Variants in UNC5C observed in about 807,000 individuals in gnomAD.
UNC5C encodes netrin receptor UNC5C.
A neutral mutation model predicts 99.8 loss-of-function variants in UNC5C; 47 were observed. The observed-to-expected ratio is 0.47, with a 90% CI of 0.37 to 0.60. The LOEUF is 0.60. Among genes scored for constraint, UNC5C ranks in the 20% least tolerant of loss-of-function variants. The pLI is 0.00. For synonymous variants in UNC5C, 487 were observed against 452.2 expected, an observed-to-expected ratio of 1.08 and a Z score of -0.98; for missense variants, 1,062 against 1,165.9, an observed-to-expected ratio of 0.91 and a Z score of 1.30.
chr4:95,491,664 A>G (rs1469475566), intron 1 of UNC5C, among the ~76,000 whole-genome samples: 1 of 151,646 alleles, frequency 6.6e-6, no homozygotes, highest in Non-Finnish European at 1.5e-5. Context: ...CAGATGAGAC[A>G]ATGTATTTGA....
chr4:95,301,296 G>C (rs1411114562), intron 3 of UNC5C, among the ~76,000 whole-genome samples: 11 of 150,078 alleles, frequency 7.3e-5, no homozygotes, highest in African/African-American at 2.7e-4. Flanking sequence ...CCTGGGTTCA[G>C]GCCATTCTCC....
At chr4:95,492,258 G>T (rs954707752) in intron 1 of UNC5C, among the ~76,000 whole-genome samples, 2 of 151,330 alleles carry the variant, frequency 1.3e-5, no homozygotes, top group Non-Finnish European at 3.0e-5. Flanking sequence ...CCAAGATTAT[G>T]ATAGCTCATA....
intron 1 of UNC5C, among the ~76,000 whole-genome samples, chr4:95,482,872 G>T (rs536201558): frequency 3.3e-5 from 4 of 121,832 alleles, no homozygotes; most frequent in Admixed American, 8.4e-5. Context: ...GGTGGGCGGA[G>T]GGGGGAGGGA....
intron 1 of UNC5C, among the ~76,000 whole-genome samples, chr4:95,468,594 AT>A (rs1747870849): frequency 6.6e-6 from 1 of 151,998 alleles, no homozygotes; most frequent in South Asian, 2.1e-4. Context: ...GGCTCTCAGG[AT>A]TTTTTCTATA....
intron 3 of UNC5C, among the ~76,000 whole-genome samples, chr4:95,283,374 C>A (rs1741127261): frequency 6.6e-6 from 1 of 152,116 alleles, no homozygotes; most frequent in Admixed American, 6.5e-5. Context: ...CACATTTAAC[C>A]CCCTACAAGG....
intron 5 of UNC5C, among the ~76,000 whole-genome samples, chr4:95,245,876 T>C (rs1739486172): frequency 6.6e-6 from 1 of 152,222 alleles, no homozygotes; most frequent in Non-Finnish European, 1.5e-5. Flanking sequence ...ATATTTTTAA[T>C]ACTTCAATAA....
chr4:95,176,481 GGTCT>G (rs1302406748), intron 14 of UNC5C, among the ~76,000 whole-genome samples: 5 of 152,138 alleles, frequency 3.3e-5, no homozygotes, highest in African/African-American at 1.2e-4. Flanking sequence ...CTCAGCTGCA[GGTCT>G]GTTGGAATAC....
intron 1 of UNC5C, among the ~76,000 whole-genome samples, chr4:95,468,559 A>G (rs928903837): frequency 1.3e-5 from 2 of 152,196 alleles, no homozygotes; most frequent in African/African-American, 4.8e-5. Flanking sequence ...TTTCTCCAGC[A>G]GGAATTTACT....
rs140743706 is a variant in UNC5C, at chr4:95,219,286, G to C, written c.1328C>G (p.Thr443Arg). Residue 443 changes from threonine to arginine, a missense_variant, in exon 9 of 16, where the codon ACG becomes AGG. Physicochemically the swap from Thr to Arg is moderately conservative, Grantham distance 71. Around this residue, in one of 3 missense-constraint regions of UNC5C, gnomAD observed 810 missense variants for 854.5 expected, o/e 0.95. Coordinates refer to ENST00000453304, the MANE Select transcript of UNC5C (RefSeq NM_003728.4). ...QDLLAVPPDL[T>R]SAAAMYRGPV... ...TCCTCTGTACATGGCTGCAGCTGAC[G>C]TGAGGTCTGGGGGTACAGCCAGCAG... The C allele has an allele frequency of 1.9e-6, 3 of 1,613,866 alleles. No homozygotes were observed. Among genetic ancestry groups the C allele is most frequent in the Non-Finnish European group, 2.5e-6 (3 of 1,179,916 alleles).
At chr4:95,385,401 C>T (rs1199746417) in intron 1 of UNC5C, among the ~76,000 whole-genome samples, 1 of 152,110 alleles carries the variant, frequency 6.6e-6, no homozygotes, top group African/African-American at 2.4e-5. Context: ...TTTGTCATCA[C>T]TAAATAAGTA....
At chr4:95,319,532 C>T (rs889740014) in intron 2 of UNC5C, among the ~76,000 whole-genome samples, 9 of 152,140 alleles carry the variant, frequency 5.9e-5, no homozygotes, top group Admixed American at 2.0e-4. Flanking sequence ...CAAATGGTAG[C>T]GCTCATGTTA....
intron 1 of UNC5C, among the ~76,000 whole-genome samples, chr4:95,525,596 T>TAAAAAAAAAAAAAAAAAAAAAAAAAA (rs574532435): frequency 1.1e-4 from 11 of 102,158 alleles, no homozygotes; most frequent in African/African-American, 3.2e-4. Flanking sequence ...GCCTATTTCT[T>TAAAAAAAAAAAAAAAAAAAAAAAAAA]AAAAAAAAAA....
rs760290190 is a variant in UNC5C, at chr4:95,548,839, C to G, written c.19G>C (p.Ala7Pro). 1 of 1,613,246 alleles carries G rather than the reference C, an allele frequency of 6.2e-7. No homozygotes were observed. Among genetic ancestry groups the G allele is most frequent in the South Asian group, 1.1e-5 (1 of 91,040 alleles). The part of the protein sequence containing the change: MRKGLR[A>P]TAARCGLGLG... ...CCCAGTCCGCAGCGGGCCGCTGTCGCCCGCAGACCTTTCCTCATCGTAGAC... is the reference window on the plus strand; with the variant it reads ...CCCAGTCCGCAGCGGGCCGCTGTCGGCCGCAGACCTTTCCTCATCGTAGAC... Residue 7 changes from alanine (A) to proline (P), a missense_variant, in exon 1 of 16, where the codon GCG (alanine) becomes CCG (proline). Physicochemically the swap from Ala to Pro is conservative, Grantham distance 27. Around this residue, in one of 3 missense-constraint regions of UNC5C, gnomAD observed 249 missense variants for 295.1 expected, o/e 0.84. Coordinates refer to ENST00000453304, the MANE Select transcript of UNC5C (RefSeq NM_003728.4).
At chr4:95,406,801 G>T (rs1481538792) in intron 1 of UNC5C, among the ~76,000 whole-genome samples, 3 of 152,124 alleles carry the variant, frequency 2.0e-5, no homozygotes, top group African/African-American at 7.2e-5. Flanking sequence ...GTTTCAAAAT[G>T]TTAAGAAAAA....
chr4:95,209,105 T>C (rs895018631), intron 10 of UNC5C, among the ~76,000 whole-genome samples: 5 of 152,208 alleles, frequency 3.3e-5, no homozygotes, highest in African/African-American at 1.2e-4. Flanking sequence ...CCTAAGCTCA[T>C]AGATCCTTTT....
chr4:95,494,816 A>C (rs1041606663), intron 1 of UNC5C, among the ~76,000 whole-genome samples: 4 of 151,498 alleles, frequency 2.6e-5, no homozygotes, highest in African/African-American at 9.7e-5. Context: ...ACTTACTATG[A>C]AATTTTCACT....
At chr4:95,236,800 G>A (rs1054646921) in intron 7 of UNC5C, among the ~76,000 whole-genome samples, 1 of 152,042 alleles carries the variant, frequency 6.6e-6, no homozygotes, top group Non-Finnish European at 1.5e-5. Flanking sequence ...CATAAATGAT[G>A]TTCCATTTAA....
chr4:95,424,524 T>TC (rs1361127729), intron 1 of UNC5C, among the ~76,000 whole-genome samples: 10 of 129,922 alleles, frequency 7.7e-5, no homozygotes, highest in Admixed American at 6.0e-4. Flanking sequence ...TTTTCTTTTT[T>TC]TTTTTTTTTT....
chr4:95,247,224 T>C (rs1434321771), intron 5 of UNC5C, among the ~76,000 whole-genome samples: 1 of 152,108 alleles, frequency 6.6e-6, no homozygotes, highest in Non-Finnish European at 1.5e-5. Context: ...AAAAAATATA[T>C]AAAACAGTTG....
Sources: allele counts gnomAD v4.1 joint callset (sites outside exome capture counted in the v4.1 genomes callset), GRCh38; gene constraint gnomAD v4.1.1; regional missense constraint gnomAD v4.1.1; transcripts MANE v1.5; gene names NCBI Gene and HGNC (gene_info 2026-07-23, HGNC 2026-07-21).